ZNF589: variants seen among roughly 807,000 people sequenced by gnomAD.
ZNF589 encodes zinc finger protein 589, also known as KRAB-zinc finger protein SZF1-1.
In ZNF589, 17 loss-of-function variants were observed where a neutral mutation model predicts 13.6. The observed-to-expected ratio is 1.25, with a 90% confidence interval of 0.86 to 1.88. The LOEUF (loss-of-function observed/expected upper bound fraction) is 1.88, where lower values mean the gene tolerates loss of function less well. ZNF589 is among the 40% of genes most tolerant of loss of function. The pLI is 0.00. For synonymous variants in ZNF589, 148 were observed against 161.6 expected, an observed-to-expected ratio of 0.92 and a Z score of 0.64; for missense variants, 407 against 434.0, an observed-to-expected ratio of 0.94 and a Z score of 0.55.
At chr3:48,254,101 A>G (rs2033870696) in intron 2 of ZNF589, among the ~76,000 whole-genome samples, 1 of 151,764 alleles carries the variant, frequency 6.6e-6, no homozygotes, top group East Asian at 2.0e-4. Flanking sequence ...TAAAAAACAA[A>G]CAAAACAAGC....
intron 1 of ZNF589, among the ~76,000 whole-genome samples, chr3:48,243,121 AT>A (rs1169649885): frequency 6.6e-6 from 1 of 151,614 alleles, no homozygotes; most frequent in Non-Finnish European, 1.5e-5. Flanking sequence ...ATTATGAAAT[AT>A]TCTGTTTCTG....
Position 48,269,520 on chromosome 3 carries a change from AACCTTACGCATGCAT to A in ZNF589, c.*735_*749del. On this transcript the variant is annotated 3_prime_UTR_variant, in exon 4 of 4. Transcript: ENST00000354698. ...CACTGGAGGACACACACAGGAGAGA[AACCTTACGCATGCAT>A]CGAGTGTGGGCGAAACTTTAGCCAC... 1 of 379,238 alleles carries A rather than the reference AACCTTACGCATGCAT, an allele frequency of 2.6e-6. No homozygotes were observed. The highest frequency in any genetic ancestry group is 5.8e-5 in the East Asian group (1 of 17,138). 23.5% of individuals were successfully genotyped at this position (379,238 alleles called of 1,614,324 possible). A position where few individuals can be genotyped will look rare whatever the true frequency, so the allele number is the denominator to read the frequency against.
At chr3:48,248,328 C>T (rs2106833191) in intron 2 of ZNF589, among the ~76,000 whole-genome samples, 1 of 152,326 alleles carries the variant, frequency 6.6e-6, no homozygotes, top group East Asian at 1.9e-4. Flanking sequence ...TGCACAGGGA[C>T]ACGTGGATGG....
At position 48,241,308 on chromosome 3, in the gene ZNF589, G is replaced by A. The variant is rs559952618; in HGVS notation, c.43+94G>A. On this transcript the variant is annotated intron_variant, in intron 1 of 3. Coordinates refer to ENST00000354698, the MANE Select transcript of ZNF589 (RefSeq NM_016089.3). ...CCGTATCCACCAGGGATGCGCGTGG[G>A]GTGCGAGCTGTGTGAGGCGCTGACT... is the stretch of plus-strand genomic sequence containing the variant. The A allele has an allele frequency of 2.4e-5, 36 of 1,498,508 alleles. No homozygotes were observed. The Admixed American group carries it at 6.8e-4, about 28-fold the overall frequency. 92.8% of individuals were successfully genotyped at this position (1,498,508 alleles called of 1,614,324 possible). A position where few individuals can be genotyped will look rare whatever the true frequency, so the allele number is the denominator to read the frequency against.
intron 1 of ZNF589, among the ~76,000 whole-genome samples, chr3:48,244,800 G>A (rs891716390): frequency 7.3e-5 from 11 of 150,618 alleles, no homozygotes; most frequent in African/African-American, 2.4e-4. Flanking sequence ...TAGATGGGAC[G>A]AATTATAAGC....
Position 48,268,986 on chromosome 3 carries a change from A to G in ZNF589, c.*200A>G, listed in dbSNP as rs953829758. On this transcript the variant is annotated 3_prime_UTR_variant, in exon 4 of 4. Transcript: ENST00000354698. ...GGATTTAGCCAGAAGTCGTCGCTCAAATCACATCGGAGAACACACTCAGGG... is the reference window on the plus strand; with the variant it reads ...GGATTTAGCCAGAAGTCGTCGCTCAGATCACATCGGAGAACACACTCAGGG... 1.9e-5 allele frequency: 15 copies of G among 807,038 alleles called. No individual in the cohort carries two copies. In the Admixed American group the frequency reaches 2.6e-4, roughly 14 times the overall value. 50.0% of individuals were successfully genotyped at this position (807,038 alleles called of 1,614,324 possible). A position where few individuals can be genotyped will look rare whatever the true frequency, so the allele number is the denominator to read the frequency against.
In ZNF589 at chr3:48,268,101, A is replaced by G; in HGVS notation, c.410A>G (p.His137Arg). ...TCACAACATCCTTCTGATAAAAATC[A>G]CAGGGGGGCTGAAGCAGAAGATCAA... ...PQSQHPSDKN[H>R]RGAEAEDQRV... The change falls in exon 4 of 4, where the codon CAC (histidine) becomes CGC (arginine). Residue 137 changes from histidine (H) to arginine (R), a missense_variant. Transcript: ENST00000354698. 1 of 1,614,220 alleles carries G rather than the reference A, an allele frequency of 6.2e-7. No individual in the cohort carries two copies. The highest frequency in any genetic ancestry group is 8.5e-7 in the Non-Finnish European group (1 of 1,180,046).
intron 3 of ZNF589, among the ~76,000 whole-genome samples, chr3:48,265,447 C>T (rs1018626224): frequency 4.7e-4 from 72 of 151,602 alleles, no homozygotes; most frequent in African/African-American, 1.7e-3. Context: ...CCACCATGAC[C>T]GATTAATTTT....
In ZNF589 at chr3:48,269,527, C is replaced by A; in HGVS notation, c.*741C>A. On this transcript the variant is annotated 3_prime_UTR_variant, in exon 4 of 4. Transcript: ENST00000354698. ...GGACACACACAGGAGAGAAACCTTA[C>A]GCATGCATCGAGTGTGGGCGAAACT... 1 of 362,424 alleles carries A rather than the reference C, an allele frequency of 2.8e-6. No individual in the cohort carries two copies. The highest frequency in any genetic ancestry group is 5.4e-6 in the Non-Finnish European group (1 of 186,168). 22.5% of individuals were successfully genotyped at this position (362,424 alleles called of 1,614,324 possible).
chr3:48,250,537 T>C (rs2033826420), intron 2 of ZNF589, among the ~76,000 whole-genome samples: 1 of 151,724 alleles, frequency 6.6e-6, no homozygotes, highest in Admixed American at 6.6e-5. Context: ...AGTGATACGA[T>C]CTTGGCTCAC....
chr3:48,261,105 C>T (rs1363583215), intron 3 of ZNF589, among the ~76,000 whole-genome samples, 166 bp downstream of exon 3: 1 of 151,780 alleles, frequency 6.6e-6, no homozygotes, highest in Non-Finnish European at 1.5e-5. Context: ...TGACAATATA[C>T]AATAAGCAGC....
At chr3:48,262,689 C>T (rs757289282) in intron 3 of ZNF589, among the ~76,000 whole-genome samples, 36 of 152,136 alleles carry the variant, frequency 2.4e-4, no homozygotes, top group Non-Finnish European at 4.6e-4. Flanking sequence ...TATATCAATT[C>T]CTTCTCTCTC....
intron 3 of ZNF589, among the ~76,000 whole-genome samples, chr3:48,262,472 T>G (rs893777751): frequency 6.6e-6 from 1 of 152,232 alleles, no homozygotes; most frequent in South Asian, 2.1e-4. Context: ...ATTACAGGTA[T>G]GAGCCACTGT....
Position 48,269,322 on chromosome 3 carries a change from A to C in ZNF589, c.*536A>C. On this transcript the variant is annotated 3_prime_UTR_variant, in exon 4 of 4. Transcript: ENST00000354698. ...GGCTTTATAGCTCAGTCAACCCTCC[A>C]CTACCACCGGAGTACACACTCCAAG... 1 of 1,346,200 alleles carries C rather than the reference A, an allele frequency of 7.4e-7. No homozygotes were observed. The highest frequency in any genetic ancestry group is 1.3e-5 in the South Asian group (1 of 77,932). The allele number at this position is 1,346,200 out of a possible 1,614,324, so 83.4% of individuals were successfully genotyped here. A position where few individuals can be genotyped will look rare whatever the true frequency, so the allele number is the denominator to read the frequency against.
At chr3:48,243,944 T>C (rs2033731701) in intron 1 of ZNF589, among the ~76,000 whole-genome samples, 1 of 152,190 alleles carries the variant, frequency 6.6e-6, no homozygotes, top group African/African-American at 2.4e-5. Context: ...GTGTCCAACA[T>C]GGGCGGAGGC....
intron 1 of ZNF589, 35 bp downstream of exon 1, chr3:48,241,249 G>A: frequency 6.2e-7 from 1 of 1,605,970 alleles, no homozygotes; most frequent in African/African-American, 1.3e-5. Context: ...TCCCCCATTC[G>A]GTGCTCCAGC....
chr3:48,266,498 G>A lies in ZNF589; in HGVS notation c.224-1417G>A, dbSNP rs565728875. ...TCATAGAGTGCTGCCCTAGAATCAG[G>A]AATCGAAGAATGTGGTGGTGGGAGT... On this transcript the variant is annotated intron_variant, in intron 3 of 3. Coordinates refer to ENST00000354698, the MANE Select transcript of ZNF589 (RefSeq NM_016089.3). Among the ~76,000 whole-genome samples the A allele has an allele frequency of 8.5e-5, 13 of 152,332 alleles. No homozygotes were observed. In the South Asian group the frequency reaches 2.5e-3, roughly 29 times the overall value.
chr3:48,258,648 A>G (rs906074383), intron 2 of ZNF589, among the ~76,000 whole-genome samples: 1 of 152,258 alleles, frequency 6.6e-6, no homozygotes, highest in African/African-American at 2.4e-5. Context: ...TGTAATAGCA[A>G]GTGTTTACTG....
At chr3:48,249,997 G>A (rs2033819577) in intron 2 of ZNF589, among the ~76,000 whole-genome samples, 1 of 151,996 alleles carries the variant, frequency 6.6e-6, no homozygotes. Flanking sequence ...GTGTGGTGGC[G>A]GGTGCCTATA....
Sources: allele counts gnomAD v4.1 joint callset (sites outside exome capture counted in the v4.1 genomes callset), GRCh38; gene constraint gnomAD v4.1.1; transcripts MANE v1.5; gene names NCBI Gene and HGNC (gene_info 2026-07-23, HGNC 2026-07-21).